Variants in ZNF836 observed in about 807,000 individuals in gnomAD.
ZNF836 encodes the protein zinc finger protein 836.
A neutral mutation model predicts 7.4 loss-of-function variants in ZNF836; 12 were observed. The ratio of observed to expected loss-of-function variants is 1.61; its 90% CI spans 1.03 to 2.61. The LOEUF is 2.61. Ranked by LOEUF, ZNF836 falls within the 30% of genes most tolerant of loss-of-function variation. ZNF836 has a pLI of 0.00. For synonymous variants in ZNF836, 365 were observed against 382.6 expected (o/e 0.95, Z 0.54); for missense variants, 998 against 1,126.2 (o/e 0.89, Z 1.63).
intron 1 of ZNF836, among the ~76,000 whole-genome samples, chr19:52,170,685 T>C (rs1037034642): frequency 2.6e-5 from 4 of 152,116 alleles, no homozygotes; most frequent in African/African-American, 4.8e-5. Flanking sequence ...TGCTGTCTCT[T>C]TGCAAATCCC....
rs146003116 is a variant in ZNF836, at chr19:52,165,267, C to A, written c.15+2791G>T. On this transcript the variant is annotated intron_variant, in intron 3 of 4. Transcript: ENST00000682614. ...AAAGAGGCACTCACTCTTTAAACTG[C>A]CCAACCTGGAGGAAACTTCAGACAT... is the stretch of plus-strand genomic sequence containing the variant. 3 of 152,256 alleles carry A rather than the reference C, an allele frequency of 2.0e-5. No homozygotes were observed. In the East Asian group the frequency reaches 5.8e-4, roughly 29 times the overall value. The allele number at this position is 152,256 out of a possible 1,614,324, so 9.4% of individuals were successfully genotyped here. A position where few individuals can be genotyped will look rare whatever the true frequency, so the allele number is the denominator to read the frequency against.
chr19:52,156,719 T>C lies in ZNF836; in HGVS notation c.964A>G (p.Arg322Gly). ...SQSYNLAIHQ[R>G]IHTGEKPYKC... ...TAAGGTTTCTCTCCAGTGTGAATTCTCTGATGTATTGCAAGGTTATAACTT... is the reference window on the plus strand; with the variant it reads ...TAAGGTTTCTCTCCAGTGTGAATTCCCTGATGTATTGCAAGGTTATAACTT... The change falls in exon 5 of 5, where the codon AGA becomes GGA. Residue 322 changes from arginine to glycine, a missense_variant. Arg to Gly is a moderately radical substitution (Grantham distance 125). Transcript: ENST00000682614. The C allele has an allele frequency of 1.2e-6, 2 of 1,606,706 alleles. No individual in the cohort carries two copies. Among genetic ancestry groups the C allele is most frequent in the Non-Finnish European group, 1.7e-6 (2 of 1,174,956 alleles).
intron 3 of ZNF836, among the ~76,000 whole-genome samples, chr19:52,166,621 T>A (rs1441382669): frequency 6.7e-6 from 1 of 149,372 alleles, no homozygotes; most frequent in East Asian, 2.0e-4. Flanking sequence ...TCGCCCAGGC[T>A]GGAGTGCAGT....
Position 52,155,662 on chromosome 19 carries a change from G to T in ZNF836, c.2021C>A (p.Ala674Asp). 1 of 1,613,946 alleles carries T rather than the reference G, an allele frequency of 6.2e-7. No homozygotes were observed. Among genetic ancestry groups the T allele is most frequent in the Non-Finnish European group, 8.5e-7 (1 of 1,179,978 alleles). The change falls in exon 5 of 5, where the codon GCC becomes GAC. Residue 674 changes from alanine to aspartate, a missense_variant. Ala to Asp is a moderately radical substitution (Grantham distance 126). Coordinates refer to ENST00000682614, the MANE Select transcript of ZNF836 (RefSeq NM_001102657.3). ...KPYKCNDCGK[A>D]YTQRSSLTKH... is the part of the protein sequence containing the mutation. Reference sequence around the variant, plus strand: ...AGTGAGGCTTGAACGCTGAGTATAGGCTTTGCCACAATCATTACATTTGTA... The same window carrying T: ...AGTGAGGCTTGAACGCTGAGTATAGTCTTTGCCACAATCATTACATTTGTA...
intron 3 of ZNF836, 146 bp from the exon 4 acceptor site, chr19:52,160,737 T>A: frequency 1.0e-6 from 1 of 959,470 alleles, no homozygotes; most frequent in South Asian, 2.0e-5. Context: ...TATGTGTCCC[T>A]AATTTAAGTT....
chr19:52,166,575 CTTT>C (rs56320677), intron 3 of ZNF836, among the ~76,000 whole-genome samples: 3 of 133,164 alleles, frequency 2.3e-5, no homozygotes, highest in East Asian at 4.3e-4. Flanking sequence ...GTACCAACTT[CTTT>C]TTTTTTTTTT....
At position 52,155,673 on chromosome 19, in the gene ZNF836, A is replaced by G; in HGVS notation, c.2010T>C (p.Asp670=). 3 of 1,613,498 alleles carry G rather than the reference A, an allele frequency of 1.9e-6. No homozygotes were observed. The highest frequency in any genetic ancestry group is 1.1e-5 in the South Asian group (1 of 91,038). ...HTGEKPYKCN[D]CGKAYTQRSS... is the part of the protein sequence containing the mutation. ...AACGCTGAGTATAGGCTTTGCCACAATCATTACATTTGTAAGGTTTCTCTC... is the reference window on the plus strand; with the variant it reads ...AACGCTGAGTATAGGCTTTGCCACAGTCATTACATTTGTAAGGTTTCTCTC... Residue 670 remains aspartate (D), a synonymous_variant, in exon 5 of 5, where the codon GAT becomes GAC. Coordinates refer to ENST00000682614, the MANE Select transcript of ZNF836 (RefSeq NM_001102657.3).
intron 3 of ZNF836, among the ~76,000 whole-genome samples, chr19:52,167,251 C>A (rs889689385): frequency 5.9e-5 from 9 of 151,740 alleles, no homozygotes; most frequent in Admixed American, 2.0e-4. Flanking sequence ...GCGGGAGGAT[C>A]ACCTGAGGTT....
rs527680723 is a variant in ZNF836 at position 52,168,148 on chromosome 19, C to G, written c.-76G>C. On this transcript the variant is annotated 5_prime_UTR_variant, in exon 3 of 5. An upstream open reading frame in the 5' UTR loses its in-frame stop. Transcript: ENST00000682614. Reference sequence around the variant, plus strand: ...TCAATATAATTAATTCTTTACAAGTCAAATCTGAAAGTGAAAAATCTGTTG... The same window carrying G: ...TCAATATAATTAATTCTTTACAAGTGAAATCTGAAAGTGAAAAATCTGTTG... 4.5e-6 allele frequency: 7 copies of G among 1,567,260 alleles called. No individual in the cohort carries two copies. In the South Asian group the frequency reaches 8.3e-5, roughly 18 times the overall value.
chr19:52,166,479 CTTT>C (rs989333472), intron 3 of ZNF836, among the ~76,000 whole-genome samples: 1 of 150,144 alleles, frequency 6.7e-6, no homozygotes, highest in Non-Finnish European at 1.5e-5. Context: ...TCAGAGGTAC[CTTT>C]TTTTTTGACA....
intron 3 of ZNF836, among the ~76,000 whole-genome samples, chr19:52,166,073 C>A (rs1188783540): frequency 6.6e-6 from 1 of 151,940 alleles, no homozygotes; most frequent in Non-Finnish European, 1.5e-5. Context: ...CTCACTGCAA[C>A]CTCTGCCTCC....
chr19:52,171,253 T>C (rs927350655), intron 1 of ZNF836, 83 bp downstream of exon 1: 1 of 152,360 alleles, frequency 6.6e-6, no homozygotes, highest in Non-Finnish European at 1.5e-5. Flanking sequence ...GTTGTCTACA[T>C]GGTCCTAAGG....
chr19:52,163,056 G>A (rs1371642901), intron 3 of ZNF836, among the ~76,000 whole-genome samples: 2 of 152,150 alleles, frequency 1.3e-5, no homozygotes, highest in Non-Finnish European at 2.9e-5. Flanking sequence ...TGAGGTATCA[G>A]AGTTCCGAGG....
intron 3 of ZNF836, among the ~76,000 whole-genome samples, chr19:52,166,516 C>T (rs1331799584): frequency 6.6e-6 from 1 of 151,184 alleles, no homozygotes; most frequent in Non-Finnish European, 1.5e-5. Context: ...TCTAACATAG[C>T]ATGAATTTCA....
intron 4 of ZNF836, among the ~76,000 whole-genome samples, chr19:52,159,229 A>G (rs1170408660): frequency 6.6e-6 from 1 of 152,216 alleles, no homozygotes. Context: ...ATGTTGATAT[A>G]CCTTATTAAA....
At chr19:52,169,964 A>C (rs928003295) in intron 1 of ZNF836, among the ~76,000 whole-genome samples, 183 bp from the exon 2 acceptor site, 1 of 152,204 alleles carries the variant, frequency 6.6e-6, no homozygotes, top group Non-Finnish European at 1.5e-5. Context: ...CTTTTGATAC[A>C]AATAAATACA....
At chr19:52,165,983 C>CT (rs1044882515) in intron 3 of ZNF836, among the ~76,000 whole-genome samples, 3 of 151,714 alleles carry the variant, frequency 2.0e-5, no homozygotes, top group African/African-American at 4.8e-5. Flanking sequence ...CCTTAATGTC[C>CT]TTTTTTTATT....
chr19:52,160,773 T>G, intron 3 of ZNF836, 182 bp from the exon 4 acceptor site: 1 of 649,776 alleles, frequency 1.5e-6, no homozygotes, highest in East Asian at 3.0e-5. Context: ...TAGAAGATTA[T>G]GATATCCCGT....
At chr19:52,162,093 G>T (rs1287712808) in intron 3 of ZNF836, among the ~76,000 whole-genome samples, 1 of 152,164 alleles carries the variant, frequency 6.6e-6, no homozygotes, top group Non-Finnish European at 1.5e-5. Context: ...TAGAGGTTGG[G>T]TCCCAACATC....
Sources: gnomAD v4.1 joint callset for allele counts (sites outside exome capture counted in the v4.1 genomes callset) on GRCh38, gnomAD v4.1.1 for gene constraint, MANE v1.5 for transcripts, NCBI Gene and HGNC (gene_info 2026-07-23, HGNC 2026-07-21) for gene names.